The following CRTC3 variants were observed in gnomAD, a reference collection of about 807,000 sequenced individuals.
CRTC3 encodes the protein CREB-regulated transcription coactivator 3.
Under a neutral mutation model 74.5 loss-of-function variants are expected in CRTC3, and 26 were observed. The ratio of observed to expected loss-of-function variants is 0.35; its 90% CI spans 0.26 to 0.48. The LOEUF is 0.48. Among genes scored for constraint, CRTC3 ranks in the 20% least tolerant of loss-of-function variants. The pLI, the probability that CRTC3 is intolerant of heterozygous loss-of-function variation, is 0.99. For missense variants in CRTC3, 760 were observed against 787.3 expected (o/e 0.97, Z 0.41); for synonymous variants, 377 against 325.8 (o/e 1.16, Z -1.69).
intron 9 of CRTC3, chr15:90,620,163 G>C (rs187345831): frequency 4.3e-6 from 1 of 232,596 alleles, no homozygotes; most frequent in Non-Finnish European, 8.4e-6. Context: ...CCTGGCCAGG[G>C]GAAAAGGGAA....
chr15:90,642,428 C>T lies in CRTC3; in HGVS notation c.*288C>T, dbSNP rs1478920731. Reference sequence around the variant, plus strand: ...CACCTCCACTGCATCTTTTTACTGGCCATCCAGTCAGCCGATGTGTAAGAG... The same window carrying T: ...CACCTCCACTGCATCTTTTTACTGGTCATCCAGTCAGCCGATGTGTAAGAG... On this transcript the variant is annotated 3_prime_UTR_variant, in exon 15 of 15. Coordinates refer to ENST00000268184, the MANE Select transcript of CRTC3 (RefSeq NM_022769.5). The T allele has an allele frequency of 2.0e-6, 1 of 489,744 alleles. No individual in the cohort carries two copies. The highest frequency in any genetic ancestry group is 2.2e-5 in the South Asian group (1 of 45,486). 30.3% of individuals were successfully genotyped at this position (489,744 alleles called of 1,614,324 possible).
At chr15:90,623,083 T>A (rs1172994610) in intron 9 of CRTC3, among the ~76,000 whole-genome samples, 1 of 152,088 alleles carries the variant, frequency 6.6e-6, no homozygotes, top group African/African-American at 2.4e-5. Context: ...CCTTCTCTGG[T>A]CCTAGGGACA....
intron 2 of CRTC3, among the ~76,000 whole-genome samples, chr15:90,564,078 G>A (rs1967071390): frequency 6.6e-6 from 1 of 152,096 alleles, no homozygotes; most frequent in Non-Finnish European, 1.5e-5. Flanking sequence ...TCTATTTACA[G>A]GGAAGACTGT....
In CRTC3 at chr15:90,641,214, C is replaced by T. The variant is rs1243601569; in HGVS notation, c.1651+15C>T. On this transcript the variant is annotated intron_variant, in intron 14 of 14. Coordinates refer to ENST00000268184, the MANE Select transcript of CRTC3 (RefSeq NM_022769.5). Reference sequence around the variant, plus strand: ...CATCCTGCCAGGTGAGCGAGCTATCCCTCAGCTTCTTTACTGCTTTTATGT... The same window carrying T: ...CATCCTGCCAGGTGAGCGAGCTATCTCTCAGCTTCTTTACTGCTTTTATGT... 3.3e-6 allele frequency: 5 copies of T among 1,531,166 alleles called. No individual in the cohort carries two copies. In the African/African-American group the frequency reaches 6.8e-5, roughly 21 times the overall value. 94.8% of individuals were successfully genotyped at this position (1,531,166 alleles called of 1,614,324 possible).
Position 90,644,965 on chromosome 15 carries a change from G to T in CRTC3, c.*2825G>T, listed in dbSNP as rs1969573557. The T allele has an allele frequency of 4.3e-6, 1 of 232,466 alleles. No individual in the cohort carries two copies. The highest frequency in any genetic ancestry group is 1.8e-4 in the South Asian group (1 of 5,516). 14.4% of individuals were successfully genotyped at this position (232,466 alleles called of 1,614,324 possible). On this transcript the variant is annotated 3_prime_UTR_variant, in exon 15 of 15. Transcript: ENST00000268184. ...GGTTGTGGGTTTTAGGACATAGGGG[G>T]TTAGGAGAAGGGGTTTCTTGATCAT... is the stretch of plus-strand genomic sequence containing the variant.
Position 90,616,320 on chromosome 15 carries a change from A to G in CRTC3, c.614-1563A>G, listed in dbSNP as rs527435120. The stretch of plus-strand genomic sequence containing the variant: ...TATCCTCCCCTTACCGTGCTGTCAA[A>G]TAAGTTAGACCGCTACCCATACTTA... On this transcript the variant is annotated intron_variant, in intron 7 of 14. Coordinates refer to ENST00000268184, the MANE Select transcript of CRTC3 (RefSeq NM_022769.5). Among the ~76,000 whole-genome samples, 15 of 152,318 alleles carry G rather than the reference A, an allele frequency of 9.8e-5. No homozygotes were observed. In the South Asian group the frequency reaches 2.1e-3, roughly 21 times the overall value.
At chr15:90,554,049 C>G (rs997788484) in intron 2 of CRTC3, among the ~76,000 whole-genome samples, 1 of 152,170 alleles carries the variant, frequency 6.6e-6, no homozygotes, top group African/African-American at 2.4e-5. Context: ...CTTGGGCAAA[C>G]CACTTAGCAT....
At chr15:90,545,123 G>A (rs76583772) in intron 2 of CRTC3, among the ~76,000 whole-genome samples, 1,835 of 152,248 alleles carry the variant, frequency 0.012, 55 homozygotes, top group African/African-American at 0.043. Context: ...TGACTGGCTT[G>A]TGCTTAGTAT....
At position 90,638,566 on chromosome 15, in the gene CRTC3, C is replaced by T. The variant is rs193921108; in HGVS notation, c.1387C>T (p.Arg463Cys). The stretch of plus-strand genomic sequence containing the variant: ...CACCCAGCCCCTCCTGCAGCAGCCC[C>T]GCGCCCCTGAGGCCCCTGCCCAGCA... ...ELTQPLLQQP[R>C]APEAPAQQPQ... Residue 463 changes from arginine to cysteine, a missense_variant, in exon 12 of 15, where the codon CGC (arginine) becomes TGC (cysteine). Arg to Cys is a radical substitution (Grantham distance 180). Transcript: ENST00000268184. 1.7e-5 allele frequency: 27 copies of T among 1,613,026 alleles called. No homozygotes were observed. Among genetic ancestry groups the T allele is most frequent in the African/African-American group, 5.3e-5 (4 of 74,924 alleles).
At chr15:90,569,007 T>A (rs930011206) in intron 2 of CRTC3, among the ~76,000 whole-genome samples, 12 of 151,398 alleles carry the variant, frequency 7.9e-5, no homozygotes, top group Admixed American at 3.3e-4. Context: ...TTTTTTTTTT[T>A]AAAGAGACAG....
Position 90,642,164 on chromosome 15 carries a change from A to G in CRTC3, c.*24A>G, listed in dbSNP as rs1596157844. On this transcript the variant is annotated 3_prime_UTR_variant, in exon 15 of 15. Coordinates refer to ENST00000268184, the MANE Select transcript of CRTC3 (RefSeq NM_022769.5). ...GAACAGAAGGCAGTGGAACAGAAGA[A>G]TGTTTTTCTGCAACAGCCAAAATAG... is the stretch of plus-strand genomic sequence containing the variant. 1.2e-6 allele frequency: 2 copies of G among 1,602,920 alleles called. No individual in the cohort carries two copies. The highest frequency in any genetic ancestry group is 1.7e-6 in the Non-Finnish European group (2 of 1,170,332).
chr15:90,638,140 G>T, intron 11 of CRTC3: 1 of 265,462 alleles, frequency 3.8e-6, no homozygotes, highest in Non-Finnish European at 6.6e-6. Flanking sequence ...CAGAAGACAC[G>T]GCTATAAAAC....
At chr15:90,587,412 C>A (rs144559306) in intron 2 of CRTC3, among the ~76,000 whole-genome samples, 1 of 152,202 alleles carries the variant, frequency 6.6e-6, no homozygotes, top group Non-Finnish European at 1.5e-5. Flanking sequence ...TGTCACTCCC[C>A]TCCCCGGTCT....
chr15:90,562,090 G>A (rs1347942246), intron 2 of CRTC3, among the ~76,000 whole-genome samples: 1 of 152,206 alleles, frequency 6.6e-6, no homozygotes, highest in East Asian at 1.9e-4. Context: ...GCCTCTTGGG[G>A]ATGTGACTTG....
In CRTC3 at chr15:90,641,982, C is replaced by T; in HGVS notation, c.1702C>T (p.Leu568=). The T allele has an allele frequency of 6.2e-7, 1 of 1,613,832 alleles. No homozygotes were observed. Among genetic ancestry groups the T allele is most frequent in the East Asian group, 2.2e-5 (1 of 44,878 alleles). Residue 568 remains leucine (L), a synonymous_variant, in exon 15 of 15, where the codon CTG becomes TTG. Transcript: ENST00000268184. The part of the protein sequence containing the change: ...FKDLNSALAG[L]PEVSLNVDTP... ...AGACCTCAACAGTGCGCTGGCAGGC[C>T]TGCCTGAGGTCAGCCTGAACGTGGA...
At position 90,612,240 on chromosome 15, in the gene CRTC3, T is replaced by G. The variant is rs80199816; in HGVS notation, c.578-2213T>G. Among the ~76,000 whole-genome samples, 1,156 of 152,218 alleles carry G rather than the reference T, an allele frequency of 7.6e-3. 23 individuals are homozygous for G. The highest frequency in any genetic ancestry group is 0.027 in the African/African-American group (1,100 of 41,502). The stretch of plus-strand genomic sequence containing the variant: ...TTCTAGTCCCAGAACTTACTAGCAG[T>G]GTGATCTTGGGGATGATAATAGCAT... On this transcript the variant is annotated intron_variant, in intron 6 of 14. Transcript: ENST00000268184.
chr15:90,545,588 T>C (rs1169330645), intron 2 of CRTC3, among the ~76,000 whole-genome samples: 1 of 150,400 alleles, frequency 6.6e-6, no homozygotes, highest in East Asian at 1.9e-4. Flanking sequence ...TTTTTTTTTT[T>C]ACTTTTGAGA....
chr15:90,574,279 G>A (rs1967347522), intron 2 of CRTC3, among the ~76,000 whole-genome samples: 1 of 152,064 alleles, frequency 6.6e-6, no homozygotes, highest in South Asian at 2.1e-4. Context: ...GAGATCGAGA[G>A]CATCCTGGTC....
chr15:90,631,309 C>T (rs1050646668), intron 11 of CRTC3, among the ~76,000 whole-genome samples: 2 of 152,162 alleles, frequency 1.3e-5, no homozygotes, highest in Non-Finnish European at 2.9e-5. Context: ...GGCACGATCG[C>T]GGCTCCCTTG....
Sources: gnomAD v4.1 joint callset for allele counts (sites outside exome capture counted in the v4.1 genomes callset) on GRCh38, gnomAD v4.1.1 for gene constraint, MANE v1.5 for transcripts, NCBI Gene and HGNC (gene_info 2026-07-23, HGNC 2026-07-21) for gene names.